Variants in DHRSX observed in about 807,000 individuals in gnomAD.
The protein encoded by DHRSX is polyprenol dehydrogenase.
A neutral mutation model predicts 34.0 loss-of-function variants in DHRSX; 31 were observed. The ratio of observed to expected loss-of-function variants is 0.91; its 90% CI spans 0.69 to 1.23. DHRSX has a LOEUF of 1.23. Among genes scored for constraint, DHRSX ranks in the 50% most tolerant of loss-of-function variants. The probability of loss-of-function intolerance (pLI) is 0.00; values close to 1 mark genes in which losing one functional copy is unlikely to be tolerated. For synonymous variants in DHRSX, 201 were observed against 183.8 expected, an observed-to-expected ratio of 1.09 and a Z score of -0.76; for missense variants, 414 against 428.1, an observed-to-expected ratio of 0.97 and a Z score of 0.29.
At chrX:2,272,781 C>T (rs2041574451) in intron 4 of DHRSX, among the ~76,000 whole-genome samples, 1 of 152,102 alleles carries the variant, frequency 6.6e-6, no homozygotes, top group Admixed American at 6.6e-5. Flanking sequence ...ATAAAGTCAG[C>T]CCCAGCTGCA....
Position 2,231,591 on chromosome X carries a change from CT to C in DHRSX, c.805-10363del, listed in dbSNP as rs773367727. ...CTTCTTCCTCCTCCATCGTATCCTC[CT>C]TTTTCTTTTTTCCCTTATTCTCCTT... On this transcript the variant is annotated intron_variant, in intron 6 of 6. Coordinates refer to ENST00000334651, the MANE Select transcript of DHRSX (RefSeq NM_145177.3). Among the ~76,000 whole-genome samples the C allele has an allele frequency of 1.4e-4, 11 of 80,868 alleles. No homozygotes were observed. The South Asian group carries it at 6.0e-3, about 44-fold the overall frequency. 53.1% of individuals were successfully genotyped at this position (80,868 alleles called of 152,430 possible). A position where few individuals can be genotyped will look rare whatever the true frequency, so the allele number is the denominator to read the frequency against.
chrX:2,448,960 G>A (rs1344106753), intron 1 of DHRSX, among the ~76,000 whole-genome samples: 21 of 152,140 alleles, frequency 1.4e-4, no homozygotes, highest in African/African-American at 3.9e-4. Context: ...AGGCTGAGGC[G>A]GGTGGATCAC....
intron 1 of DHRSX, among the ~76,000 whole-genome samples, chrX:2,493,378 G>A (rs927905874): frequency 6.6e-6 from 1 of 151,970 alleles, no homozygotes; most frequent in African/African-American, 2.4e-5. Flanking sequence ...GGAGGAAAAG[G>A]TTTACATTCC....
chrX:2,330,104 GA>G (rs1436324754), intron 3 of DHRSX, among the ~76,000 whole-genome samples: 13 of 6,870 alleles, frequency 1.9e-3, no homozygotes, highest in South Asian at 8.3e-3. Flanking sequence ...GAGGGAGGGA[GA>G]GAGAGAGAGA....
intron 3 of DHRSX, among the ~76,000 whole-genome samples, chrX:2,351,638 G>A (rs1320928182): frequency 6.6e-6 from 1 of 152,180 alleles, no homozygotes; most frequent in South Asian, 2.1e-4. Flanking sequence ...CTGACTTCCT[G>A]CATGGCTGAA....
intron 6 of DHRSX, among the ~76,000 whole-genome samples, chrX:2,229,662 T>C (rs747134473): frequency 1.2e-3 from 167 of 141,908 alleles, no homozygotes; most frequent in African/African-American, 4.9e-3. Flanking sequence ...CATGTCTGTA[T>C]GTATATGTAT....
At position 2,246,748 on chromosome X, in the gene DHRSX, G is replaced by GAAAGAGAA. The variant is rs776138629; in HGVS notation, c.597-3519_597-3518insTTCTCTTT. Reference sequence around the variant, plus strand: ...AGAAAGAAAGAAAGAAAGAAAGAAAGAAAAAGAAAGAAAATAAAAGAATAG... The same window carrying GAAAGAGAA: ...AGAAAGAAAGAAAGAAAGAAAGAAAGAAAGAGAAAAAAAGAAAGAAAATAAAAGAATAG... On this transcript the variant is annotated intron_variant, in intron 5 of 6. Coordinates refer to ENST00000334651, the MANE Select transcript of DHRSX (RefSeq NM_145177.3). 4.8e-5 allele frequency among the ~76,000 whole-genome samples: 5 copies of GAAAGAGAA among 103,880 alleles called. No individual in the cohort carries two copies. In the South Asian group the frequency reaches 1.5e-3, roughly 32 times the overall value. 68.1% of individuals were successfully genotyped at this position (103,880 alleles called of 152,430 possible).
chrX:2,229,348 T>C (rs1261648445), intron 6 of DHRSX, among the ~76,000 whole-genome samples: 1 of 152,042 alleles, frequency 6.6e-6, no homozygotes, highest in Non-Finnish European at 1.5e-5. Context: ...CCTGGAAGAA[T>C]GTTCTGAACA....
intron 1 of DHRSX, among the ~76,000 whole-genome samples, chrX:2,448,292 C>T (rs1334888173): frequency 2.0e-5 from 3 of 152,112 alleles, no homozygotes; most frequent in Non-Finnish European, 2.9e-5. Context: ...ATGAACATGA[C>T]GCTGCACTCC....
chrX:2,404,084 G>A (rs1164167568), intron 3 of DHRSX, among the ~76,000 whole-genome samples: 3 of 152,154 alleles, frequency 2.0e-5, no homozygotes, highest in African/African-American at 4.8e-5. Context: ...TCAGTTTCCA[G>A]AAACTTCTCT....
chrX:2,408,344 G>C (rs2043584846), intron 3 of DHRSX, among the ~76,000 whole-genome samples: 1 of 152,092 alleles, frequency 6.6e-6, no homozygotes, highest in African/African-American at 2.4e-5. Context: ...AAAGTGCTGG[G>C]ATTACAGGCG....
At chrX:2,335,178 C>G (rs765592368) in intron 3 of DHRSX, among the ~76,000 whole-genome samples, 11 of 139,246 alleles carry the variant, frequency 7.9e-5, no homozygotes, top group African/African-American at 2.7e-4. Context: ...GAGTAGGACT[C>G]CATCTCAAAA....
At chrX:2,396,867 C>T (rs1037955353) in intron 3 of DHRSX, among the ~76,000 whole-genome samples, 1 of 151,314 alleles carries the variant, frequency 6.6e-6, no homozygotes, top group African/African-American at 2.4e-5. Context: ...TGGGTTCAAG[C>T]GATTCTCCTG....
chrX:2,412,000 T>C (rs2043636562), intron 2 of DHRSX, among the ~76,000 whole-genome samples: 1 of 152,208 alleles, frequency 6.6e-6, no homozygotes, highest in African/African-American at 2.4e-5. Context: ...CGGTATCTTC[T>C]TTGGCCAATG....
chrX:2,493,915 T>G (rs2045220688), intron 1 of DHRSX, among the ~76,000 whole-genome samples: 2 of 152,070 alleles, frequency 1.3e-5, no homozygotes, highest in African/African-American at 4.8e-5. Flanking sequence ...GAGGTTGCAG[T>G]GAGCCGAGAT....
chrX:2,363,045 C>T lies in DHRSX; in HGVS notation c.286+45700G>A, dbSNP rs1346465444. 1.8e-4 allele frequency among the ~76,000 whole-genome samples: 23 copies of T among 130,682 alleles called. No individual in the cohort carries two copies. The East Asian group carries it at 3.4e-3, about 19-fold the overall frequency. 85.7% of individuals were successfully genotyped at this position (130,682 alleles called of 152,430 possible). A position where few individuals can be genotyped will look rare whatever the true frequency, so the allele number is the denominator to read the frequency against. ...TTATCACCGTTCTATGGTATCATGC[C>T]GCCATTTTATCACCGTTCTATGGTA... On this transcript the variant is annotated intron_variant, in intron 3 of 6. Transcript: ENST00000334651.
chrX:2,275,292 GT>G (rs1174986417), intron 4 of DHRSX, among the ~76,000 whole-genome samples: 2 of 149,226 alleles, frequency 1.3e-5, no homozygotes, highest in Non-Finnish European at 3.0e-5. Context: ...GAGGTCAGGA[GT>G]TTGAGACCAG....
rs766354510 is a variant in DHRSX, at chrX:2,469,278, C to T, written c.109+31539G>A. 4.1e-4 allele frequency among the ~76,000 whole-genome samples: 60 copies of T among 147,788 alleles called. 1 individual carries two copies. Among genetic ancestry groups the T allele is most frequent in the African/African-American group, 1.4e-3 (55 of 39,738 alleles). On this transcript the variant is annotated intron_variant, in intron 1 of 6. Coordinates refer to ENST00000334651, the MANE Select transcript of DHRSX (RefSeq NM_145177.3). ...TAAGCATGCGGCCAAGGGACTGCCA[C>T]CGTGTACACGCTGAAGACATTCCCT... is the stretch of plus-strand genomic sequence containing the variant.
intron 3 of DHRSX, among the ~76,000 whole-genome samples, chrX:2,304,545 A>G (rs2042077978): frequency 6.6e-6 from 1 of 152,050 alleles, no homozygotes; most frequent in South Asian, 2.1e-4. Context: ...TGCTTGCAAT[A>G]GTGAATGAGT....
Sources: allele counts gnomAD v4.1 joint callset (sites outside exome capture counted in the v4.1 genomes callset), GRCh38; gene constraint gnomAD v4.1.1; transcripts MANE v1.5; gene names NCBI Gene and HGNC (gene_info 2026-07-23, HGNC 2026-07-21).